Variants in AMPD3 observed in about 807,000 individuals in gnomAD.
AMPD3 encodes AMP deaminase 3.
AMPD3 carries 57 observed loss-of-function variants against 82.3 expected under a neutral mutation model. That is an observed-to-expected ratio of 0.69 (90% confidence interval 0.56 to 0.86). The LOEUF is 0.86. AMPD3 is among the 40% of genes least tolerant of loss of function. The pLI, the probability that AMPD3 is intolerant of heterozygous loss-of-function variation, is 0.00. For missense variants in AMPD3, 870 were observed against 1,003.8 expected (o/e 0.87, Z 1.80); for synonymous variants, 381 against 394.7 (o/e 0.97, Z 0.41).
intron 10 of AMPD3, 32 bp from the exon 11 acceptor site, chr11:10,500,054 T>C: frequency 6.2e-7 from 1 of 1,614,020 alleles, no homozygotes; most frequent in Non-Finnish European, 8.5e-7. Flanking sequence ...TGGTCCTGCC[T>C]TGGCCTGGTG....
chr11:10,461,644 C>G lies in AMPD3; in HGVS notation c.125C>G (p.Thr42Ser). ...EDSKDALSLF[T>S]VPEDCPIGQK... ...AGCAAAGATGCCCTGTCCCTGTTCA[C>G]TGTCCCAGAGGACTGCCCCATCGGG... The change falls in exon 2 of 15, where the codon ACT (threonine) becomes AGT (serine). Residue 42 changes from threonine (T) to serine (S), a missense_variant. Thr to Ser is a moderately conservative substitution (Grantham distance 58). Coordinates refer to ENST00000396553, the MANE Select transcript of AMPD3 (RefSeq NM_001025389.2). 1 of 1,614,274 alleles carries G rather than the reference C, an allele frequency of 6.2e-7. No homozygotes were observed.
chr11:10,478,377 A>G, intron 2 of AMPD3, 149 bp from the exon 3 acceptor site: 1 of 1,581,414 alleles, frequency 6.3e-7, no homozygotes, highest in Non-Finnish European at 8.6e-7. Flanking sequence ...AGAGGAAGGC[A>G]TGAATAATTA....
chr11:10,503,978 A>G (rs1046813331), intron 13 of AMPD3: 2 of 985,286 alleles, frequency 2.0e-6, no homozygotes, highest in African/African-American at 3.5e-5. Context: ...TGATGAATAG[A>G]CACTTCACAT....
rs899197817 is a variant in AMPD3, at chr11:10,506,079, G to C, written c.*195G>C. Reference sequence around the variant, plus strand: ...ACTTGTTAGTATTTCTGAGTAACAAGATGGTGACTTCTCCTTGGGGATCTG... The same window carrying C: ...ACTTGTTAGTATTTCTGAGTAACAACATGGTGACTTCTCCTTGGGGATCTG... On this transcript the variant is annotated 3_prime_UTR_variant, in exon 15 of 15. Transcript: ENST00000396553. The surrounding 1 kb of genome is among the most constrained non-coding windows in gnomAD (Gnocchi z 4.1). 1.5e-6 allele frequency: 1 copy of C among 645,976 alleles called. No individual in the cohort carries two copies. Among genetic ancestry groups the C allele is most frequent in the Non-Finnish European group, 2.8e-6 (1 of 362,422 alleles). The allele number at this position is 645,976 out of a possible 1,614,324, so 40.0% of individuals were successfully genotyped here. A position where few individuals can be genotyped will look rare whatever the true frequency, so the allele number is the denominator to read the frequency against.
intron 2 of AMPD3, among the ~76,000 whole-genome samples, chr11:10,463,416 C>G (rs1848328735): frequency 6.6e-6 from 1 of 152,130 alleles, no homozygotes; most frequent in African/African-American, 2.4e-5. Context: ...GGCCCCAGCC[C>G]CAGCAGTGTG....
intron 5 of AMPD3, chr11:10,486,893 A>C (rs1312209596): frequency 8.1e-6 from 8 of 985,248 alleles, no homozygotes; most frequent in Non-Finnish European, 9.6e-6. Flanking sequence ...AACCAGTTTA[A>C]CCCTTACTTC....
chr11:10,458,072 C>G (rs1848150548), intron 1 of AMPD3, among the ~76,000 whole-genome samples: 2 of 151,942 alleles, frequency 1.3e-5, no homozygotes, highest in Admixed American at 6.6e-5. Flanking sequence ...GAAGGTGCTG[C>G]TGGTGGTGGA....
intron 2 of AMPD3, among the ~76,000 whole-genome samples, chr11:10,475,935 C>T (rs1351163126): frequency 7.2e-5 from 11 of 152,164 alleles, no homozygotes; most frequent in Admixed American, 6.5e-4. Flanking sequence ...CCAGAAACTC[C>T]AGACAAGAGT....
intron 2 of AMPD3, among the ~76,000 whole-genome samples, chr11:10,463,434 C>T (rs1848329238): frequency 6.6e-6 from 1 of 152,178 alleles, no homozygotes; most frequent in Non-Finnish European, 1.5e-5. Context: ...GTGCTCATCC[C>T]TGGAGGGTCA....
intron 7 of AMPD3, 90 bp downstream of exon 7, chr11:10,493,633 C>T (rs577727889): frequency 1.0e-4 from 150 of 1,444,052 alleles, no homozygotes; most frequent in South Asian, 6.7e-4. Context: ...TTGTGCTTGC[C>T]GGGAGGTGCT....
chr11:10,496,665 G>A, intron 9 of AMPD3, 147 bp from the exon 10 acceptor site: 1 of 1,476,448 alleles, frequency 6.8e-7, no homozygotes, highest in Non-Finnish European at 9.2e-7. Flanking sequence ...GGAGGACAGA[G>A]GAGGGATCTG....
intron 13 of AMPD3, 93 bp from the exon 14 acceptor site, chr11:10,504,456 C>G: frequency 7.7e-7 from 1 of 1,293,610 alleles, no homozygotes; most frequent in Non-Finnish European, 1.1e-6. Context: ...AAAGTTAAAC[C>G]CGCAGTGTCT....
At chr11:10,450,877 GA>G (rs1156288937), upstream of AMPD3, 1 of 1,224,542 alleles carries the variant, frequency 8.2e-7, no homozygotes, top group African/African-American at 1.6e-5. Context: ...TGCGCCCTCT[GA>G]ACGCCCGGCC....
Position 10,456,362 on chromosome 11 carries a change from T to C in AMPD3, c.-6+914T>C. On this transcript the variant is annotated intron_variant, in intron 1 of 14. Coordinates refer to ENST00000396553, the MANE Select transcript of AMPD3 (RefSeq NM_001025389.2). This position sits in a 1 kb window ranked among gnomAD's most constrained non-coding sequence, Gnocchi z 4.3. ...GCAGCACCTCACCCGGGTGCATCAC[T>C]TGAGTGGCATCTTCAGGACCAGTCA... is the stretch of plus-strand genomic sequence containing the variant. The C allele has an allele frequency of 6.2e-7, 1 of 1,613,654 alleles. No homozygotes were observed. The highest frequency in any genetic ancestry group is 8.5e-7 in the Non-Finnish European group (1 of 1,179,644).
chr11:10,505,295 T>A, intron 14 of AMPD3: 1 of 985,304 alleles, frequency 1.0e-6, no homozygotes, highest in Non-Finnish European at 1.2e-6. Context: ...TGCAGCAGAG[T>A]TAAAGGCTTA....
chr11:10,505,450 C>G (rs1286573850), intron 14 of AMPD3: 1 of 985,188 alleles, frequency 1.0e-6, no homozygotes, highest in Non-Finnish European at 1.2e-6. Flanking sequence ...CAGACCTTAT[C>G]TTTCCTCTCT....
At chr11:10,502,158 T>G (rs1272435853) in intron 12 of AMPD3, 46 of 985,314 alleles carry the variant, frequency 4.7e-5, no homozygotes, top group Non-Finnish European at 5.4e-5. Flanking sequence ...GGCACGATGT[T>G]TGATCAAAAT....
At chr11:10,500,374 C>T in intron 11 of AMPD3, 125 bp downstream of exon 11, 1 of 1,308,532 alleles carries the variant, frequency 7.6e-7, no homozygotes, top group Non-Finnish European at 1.1e-6. Context: ...ACATGCATGT[C>T]CATGTGCCCA....
At chr11:10,450,681 T>A, upstream of AMPD3, 2 of 1,044,180 alleles carry the variant, frequency 1.9e-6, no homozygotes, top group Non-Finnish European at 2.3e-6. Context: ...GCCGCGCCCC[T>A]GCTGCTCTCA....
Sources: allele counts gnomAD v4.1 joint callset (sites outside exome capture counted in the v4.1 genomes callset), GRCh38; gene constraint gnomAD v4.1.1; non-coding constraint Gnocchi (gnomAD v3.1); transcripts MANE v1.5; gene names NCBI Gene and HGNC (gene_info 2026-07-23, HGNC 2026-07-21).